The following SHCBP1 variants were observed in gnomAD, a reference collection of about 807,000 sequenced individuals.
The protein encoded by SHCBP1 is SHC binding and spindle associated 1, also known as SHC SH2 domain-binding protein 1.
A neutral mutation model predicts 75.1 loss-of-function variants in SHCBP1; 60 were observed. The ratio of observed to expected loss-of-function variants is 0.80; its 90% confidence interval spans 0.65 to 0.99. The LOEUF is 0.99. Ranked by LOEUF, SHCBP1 falls within the 50% of genes least tolerant of loss-of-function variation. SHCBP1 has a pLI of 0.00. For synonymous variants in SHCBP1, 290 were observed against 293.2 expected (o/e 0.99, Z 0.11); for missense variants, 709 against 809.4 (o/e 0.88, Z 1.50).
chr16:46,601,907 C>T (rs1436527813), intron 8 of SHCBP1, among the ~76,000 whole-genome samples: 1 of 152,128 alleles, frequency 6.6e-6, no homozygotes, highest in Non-Finnish European at 1.5e-5. Context: ...TGACACCCTG[C>T]ACATAGTAGG....
At chr16:46,600,586 C>T (rs1439706335) in intron 8 of SHCBP1, among the ~76,000 whole-genome samples, 1 of 152,208 alleles carries the variant, frequency 6.6e-6, no homozygotes, top group Non-Finnish European at 1.5e-5. Flanking sequence ...ATATAAATTA[C>T]ATTTGAATAA....
intron 4 of SHCBP1, among the ~76,000 whole-genome samples, chr16:46,609,280 T>A (rs905906987): frequency 6.6e-6 from 1 of 151,990 alleles, no homozygotes; most frequent in African/African-American, 2.4e-5. Flanking sequence ...TGAAGCGAGA[T>A]CGCACCACTG....
intron 3 of SHCBP1, 64 bp downstream of exon 3, chr16:46,617,570 A>T: frequency 8.1e-7 from 1 of 1,234,996 alleles, no homozygotes; most frequent in Non-Finnish European, 1.2e-6. Flanking sequence ...CACTTTGGAT[A>T]TAACAGTCTG....
chr16:46,596,764 G>A (rs1222844030), intron 9 of SHCBP1, among the ~76,000 whole-genome samples: 2 of 149,664 alleles, frequency 1.3e-5, no homozygotes, highest in South Asian at 4.2e-4. Context: ...GCCTTGCTCT[G>A]TTGCCTGGGC....
Position 46,584,000 on chromosome 16 carries a change from CACCTTAA to C in SHCBP1, c.1547_1551+2del. The C allele has an allele frequency of 6.2e-7, 1 of 1,602,694 alleles. No homozygotes were observed. The highest frequency in any genetic ancestry group is 8.5e-7 in the Non-Finnish European group (1 of 1,173,566). ...AAAAGTGGGTGTTTTGGCTGATGCT[CACCTTAA>C]TGAGGATCCCTTCCTTGCAGTGATG... On this transcript the variant is annotated splice_donor_variant and coding_sequence_variant, in exon 11 of 13. Coordinates refer to ENST00000303383, the MANE Select transcript of SHCBP1 (RefSeq NM_024745.5). LOFTEE classifies it high-confidence loss of function.
In SHCBP1 at chr16:46,608,406, T is replaced by C; in HGVS notation, c.597-17A>G. 6.4e-7 allele frequency: 1 copy of C among 1,564,362 alleles called. No homozygotes were observed. The highest frequency in any genetic ancestry group is 8.8e-7 in the Non-Finnish European group (1 of 1,135,740). Reference sequence around the variant, plus strand: ...TAGAAAAATCTGAAATGGAACTTAGTATCATTCAAATTCTATCACTGGCTC... The same window carrying C: ...TAGAAAAATCTGAAATGGAACTTAGCATCATTCAAATTCTATCACTGGCTC... On this transcript the variant is annotated splice_polypyrimidine_tract_variant and intron_variant, in intron 4 of 12. Transcript: ENST00000303383.
At position 46,580,174 on chromosome 16, in the gene SHCBP1, T is replaced by A. The variant is rs1160281118; in HGVS notation, c.*1555A>T. On this transcript the variant is annotated 3_prime_UTR_variant, in exon 13 of 13. Transcript: ENST00000303383. Reference sequence around the variant, plus strand: ...TTTTAAGTTGAATAAATGGTTTTTATCTTAAGGCATCACATCTAGAGGCAA... The same window carrying A: ...TTTTAAGTTGAATAAATGGTTTTTAACTTAAGGCATCACATCTAGAGGCAA... Among the ~76,000 whole-genome samples, 1 of 151,448 alleles carries A rather than the reference T, an allele frequency of 6.6e-6. No homozygotes were observed. Among genetic ancestry groups the A allele is most frequent in the Non-Finnish European group, 1.5e-5 (1 of 67,870 alleles).
rs1452280128 is a variant in SHCBP1 at position 46,579,062 on chromosome 16, T to C, written c.*2667A>G. Among the ~76,000 whole-genome samples the C allele has an allele frequency of 1.3e-5, 2 of 152,110 alleles. No individual in the cohort carries two copies. Among genetic ancestry groups the C allele is most frequent in the African/African-American group, 4.8e-5 (2 of 41,408 alleles). ...CGTGTTAATATCTATGGTGCAATAA[T>C]ACAACAAGAAACTGAAGAAGGGAAA... is the stretch of plus-strand genomic sequence containing the variant. On this transcript the variant is annotated 3_prime_UTR_variant, in exon 13 of 13. Coordinates refer to ENST00000303383, the MANE Select transcript of SHCBP1 (RefSeq NM_024745.5).
chr16:46,592,951 C>CAAAAAAA lies in SHCBP1; in HGVS notation c.1464+2594_1464+2600dup. 9.9e-3 allele frequency among the ~76,000 whole-genome samples: 224 copies of CAAAAAAA among 22,670 alleles called. 6 individuals are homozygous for CAAAAAAA. The highest frequency in any genetic ancestry group is 0.019 in the South Asian group (5 of 270). 14.9% of individuals were successfully genotyped at this position (22,670 alleles called of 152,430 possible). A position where few individuals can be genotyped will look rare whatever the true frequency, so the allele number is the denominator to read the frequency against. ...AACATCCACTTATGATAAAAATTCT[C>CAAAAAAA]AAAAAAAAAAAAAAAAAAAAAAAAA... On this transcript the variant is annotated intron_variant, in intron 10 of 12. Transcript: ENST00000303383.
intron 11 of SHCBP1, 89 bp downstream of exon 11, chr16:46,583,914 G>C: frequency 8.0e-7 from 1 of 1,246,450 alleles, no homozygotes; most frequent in Non-Finnish European, 1.1e-6. Context: ...TTCAAAACCA[G>C]AAAATAGAAC....
chr16:46,608,181 G>A (rs1465529716), intron 5 of SHCBP1, 116 bp downstream of exon 5: 1 of 642,646 alleles, frequency 1.6e-6, no homozygotes, highest in Non-Finnish European at 2.7e-6. Flanking sequence ...ATCAGAGAGA[G>A]AGAGTGAGTG....
At chr16:46,589,164 A>G (rs1010305047) in intron 10 of SHCBP1, among the ~76,000 whole-genome samples, 1 of 152,190 alleles carries the variant, frequency 6.6e-6, no homozygotes, top group Non-Finnish European at 1.5e-5. Context: ...TATTGATGGG[A>G]TGTATCTCAA....
intron 9 of SHCBP1, 143 bp downstream of exon 9, chr16:46,599,688 A>AAAAAAAAAAAAAAAAAT (rs55869621): frequency 1.3e-5 from 1 of 74,240 alleles, no homozygotes; most frequent in Non-Finnish European, 2.4e-5. Flanking sequence ...AAAAAAAAAA[A>AAAAAAAAAAAAAAAAAT]AAAACTCAGC....
chr16:46,583,762 T>G (rs1360376358), intron 11 of SHCBP1, 105 bp from the exon 12 acceptor site: 2 of 1,354,150 alleles, frequency 1.5e-6, no homozygotes, highest in Non-Finnish European at 2.0e-6. Context: ...GAAAAAGCTA[T>G]GTTTAGTCCC....
At chr16:46,612,201 C>CA (rs1965426231) in intron 4 of SHCBP1, among the ~76,000 whole-genome samples, 1 of 152,082 alleles carries the variant, frequency 6.6e-6, no homozygotes, top group African/African-American at 2.4e-5. Flanking sequence ...CCTAGAATGT[C>CA]AAGACGTTAA....
At chr16:46,595,719 C>T in intron 9 of SHCBP1, 49 bp from the exon 10 acceptor site, 1 of 1,413,478 alleles carries the variant, frequency 7.1e-7, no homozygotes, top group Non-Finnish European at 1.0e-6. Flanking sequence ...TGTGCCTTTT[C>T]CAATGTTAGA....
rs1369774153 is a variant in SHCBP1, at chr16:46,616,572, G to A, written c.388-418C>T. Among the ~76,000 whole-genome samples, 2 of 152,176 alleles carry A rather than the reference G, an allele frequency of 1.3e-5. No homozygotes were observed. The highest frequency in any genetic ancestry group is 2.9e-5 in the Non-Finnish European group (2 of 68,038). The stretch of plus-strand genomic sequence containing the variant: ...TTGCTGGAGCCAAAGGGAGGAAATG[G>A]AGGAGGGGGGCGGTGTGCAGTGGAG... On this transcript the variant is annotated intron_variant, in intron 3 of 12. Transcript: ENST00000303383. This position sits in a 1 kb window ranked among gnomAD's most constrained non-coding sequence, Gnocchi z 4.4.
At chr16:46,590,214 C>A (rs1965021881) in intron 10 of SHCBP1, among the ~76,000 whole-genome samples, 1 of 152,122 alleles carries the variant, frequency 6.6e-6, no homozygotes, top group Admixed American at 6.5e-5. Flanking sequence ...CCATTAAAAC[C>A]CTAGAAGAAA....
intron 2 of SHCBP1, 140 bp from the exon 3 acceptor site, chr16:46,617,889 C>A: frequency 2.7e-6 from 2 of 747,866 alleles, no homozygotes; most frequent in Admixed American, 2.6e-5. Context: ...ATAAAAGATG[C>A]AAAAAACCAG....
Sources: allele counts gnomAD v4.1 joint callset (sites outside exome capture counted in the v4.1 genomes callset), GRCh38; gene constraint gnomAD v4.1.1; non-coding constraint Gnocchi (gnomAD v3.1); transcripts MANE v1.5; gene names NCBI Gene and HGNC (gene_info 2026-07-23, HGNC 2026-07-21).